Variants in CDH13 observed in about 807,000 individuals in gnomAD.
The protein encoded by CDH13 is cadherin 13, also known as cadherin-13.
Under a neutral mutation model 63.8 loss-of-function variants are expected in CDH13, and 24 were observed. The ratio of observed to expected loss-of-function variants is 0.38; its 90% CI spans 0.27 to 0.53. The LOEUF (loss-of-function observed/expected upper bound fraction) is 0.53. Ranked by LOEUF, CDH13 falls within the 20% of genes least tolerant of loss-of-function variation. CDH13 has a pLI of 0.85. For synonymous variants in CDH13, 503 were observed against 355.3 expected (o/e 1.42, Z -4.67); for missense variants, 1,049 against 903.1 (o/e 1.16, Z -2.07).
At chr16:83,146,175 C>G (rs561980645) in intron 4 of CDH13, among the ~76,000 whole-genome samples, 2 of 121,522 alleles carry the variant, frequency 1.6e-5, no homozygotes, top group South Asian at 5.1e-4. Flanking sequence ...GCCTGGGCGA[C>G]AGAGCAAGAC....
At chr16:83,017,520 A>G (rs1914923662) in intron 2 of CDH13, among the ~76,000 whole-genome samples, 1 of 152,244 alleles carries the variant, frequency 6.6e-6, no homozygotes, top group South Asian at 2.1e-4. Flanking sequence ...TGTGACCTTA[A>G]GAAATGTTCT....
intron 1 of CDH13, among the ~76,000 whole-genome samples, chr16:82,702,354 G>A (rs573430513): frequency 1.3e-5 from 2 of 152,282 alleles, no homozygotes; most frequent in African/African-American, 4.8e-5. Context: ...CCTAATCATA[G>A]GATAGGTTTC....
chr16:82,987,656 C>A (rs1038436442), intron 2 of CDH13, among the ~76,000 whole-genome samples: 1 of 152,164 alleles, frequency 6.6e-6, no homozygotes, highest in Non-Finnish European at 1.5e-5. Context: ...GGATTACAGG[C>A]ATGAGCCACT....
chr16:83,239,293 A>G (rs747805363), intron 5 of CDH13, among the ~76,000 whole-genome samples: 3 of 152,206 alleles, frequency 2.0e-5, no homozygotes, highest in Non-Finnish European at 4.4e-5. Context: ...GGAGGAGGAA[A>G]TGAAGTTAGT....
intron 1 of CDH13, among the ~76,000 whole-genome samples, chr16:82,834,018 C>G (rs12921053): frequency 6.6e-6 from 1 of 152,150 alleles, no homozygotes; most frequent in African/African-American, 2.4e-5. Flanking sequence ...ATGACTATCT[C>G]ATTTTTAATA....
At chr16:83,273,435 T>C (rs574446151) in intron 5 of CDH13, among the ~76,000 whole-genome samples, 1 of 152,252 alleles carries the variant, frequency 6.6e-6, no homozygotes, top group Admixed American at 6.5e-5. Context: ...CTCCCACTTA[T>C]AAGTGAGAAC....
chr16:83,650,219 G>GA (rs58267042), intron 8 of CDH13, among the ~76,000 whole-genome samples: 18,334 of 151,452 alleles, frequency 0.12, 1,258 homozygotes, highest in East Asian at 0.24. Context: ...CAGAAAGCAG[G>GA]AAAAAAAATA....
chr16:83,142,381 C>T (rs1277987781), intron 4 of CDH13, among the ~76,000 whole-genome samples: 2 of 151,928 alleles, frequency 1.3e-5, no homozygotes, highest in African/African-American at 2.4e-5. Flanking sequence ...AGGCTGGTCT[C>T]GAATTTCTGT....
chr16:83,446,354 A>C (rs929694379), intron 6 of CDH13, among the ~76,000 whole-genome samples: 1 of 151,956 alleles, frequency 6.6e-6, no homozygotes, highest in Non-Finnish European at 1.5e-5. Context: ...AAGTACCTTC[A>C]CTAGATTTAG....
At chr16:83,073,175 G>A (rs898331924) in intron 3 of CDH13, among the ~76,000 whole-genome samples, 1 of 152,134 alleles carries the variant, frequency 6.6e-6, no homozygotes, top group Non-Finnish European at 1.5e-5. Context: ...GGCTTGCGTG[G>A]CTAGTGATTG....
chr16:83,274,107 C>T (rs1597639584), intron 5 of CDH13, among the ~76,000 whole-genome samples: 1 of 152,318 alleles, frequency 6.6e-6, no homozygotes, highest in Admixed American at 6.5e-5. Context: ...TTCCCCCAGG[C>T]CAGGCCGTCT....
intron 3 of CDH13, among the ~76,000 whole-genome samples, chr16:83,089,469 C>T (rs2033786772): frequency 6.6e-6 from 1 of 152,224 alleles, no homozygotes; most frequent in Admixed American, 6.5e-5. Flanking sequence ...CATGCACCTG[C>T]CTTGCAGGCG....
intron 4 of CDH13, among the ~76,000 whole-genome samples, chr16:83,180,356 C>T (rs1392586891): frequency 1.3e-5 from 2 of 151,788 alleles, no homozygotes; most frequent in Non-Finnish European, 2.9e-5. Context: ...ACATCCTTTC[C>T]TTTATAAGGT....
intron 2 of CDH13, among the ~76,000 whole-genome samples, chr16:82,867,067 C>G (rs1470639005): frequency 6.6e-6 from 1 of 152,122 alleles, no homozygotes; most frequent in East Asian, 1.9e-4. Flanking sequence ...ACTGTGTGCT[C>G]CCTAGTGTGT....
rs151253716 is a variant in CDH13, at chr16:83,347,100, C to G, written c.781+2094C>G. Among the ~76,000 whole-genome samples, 152 of 152,214 alleles carry G rather than the reference C, an allele frequency of 1.0e-3. 1 individual carries two copies. Among genetic ancestry groups the G allele is most frequent in the African/African-American group, 3.2e-3 (133 of 41,528 alleles). On this transcript the variant is annotated intron_variant, in intron 6 of 13. Coordinates refer to ENST00000567109, the MANE Select transcript of CDH13 (RefSeq NM_001257.5). ...AAAAGCCACTTAGATTACTTAGCAC[C>G]CTGTAAGAGAGTTGCAGGCAAGATG...
intron 5 of CDH13, among the ~76,000 whole-genome samples, chr16:83,275,071 G>A (rs2088944061): frequency 6.6e-6 from 1 of 152,068 alleles, no homozygotes; most frequent in Non-Finnish European, 1.5e-5. Flanking sequence ...ATACATGAGG[G>A]CAGGGATCGT....
intron 2 of CDH13, among the ~76,000 whole-genome samples, chr16:83,030,006 A>G (rs1299358406): frequency 1.3e-5 from 2 of 152,188 alleles, no homozygotes; most frequent in African/African-American, 4.8e-5. Context: ...ATGAGTTGTG[A>G]TACCCATAAT....
rs1318109466 is a variant in CDH13 at position 82,644,189 on chromosome 16, C to A, written c.45+17052C>A. Among the ~76,000 whole-genome samples the A allele has an allele frequency of 6.6e-6, 1 of 152,092 alleles. No individual in the cohort carries two copies. The highest frequency in any genetic ancestry group is 2.4e-5 in the African/African-American group (1 of 41,406). Reference sequence around the variant, plus strand: ...CCCAAATTAACATGAATGTTTGGCACCCTTTGGCTGGTGCGGCTGAAGAAT... The same window carrying A: ...CCCAAATTAACATGAATGTTTGGCAACCTTTGGCTGGTGCGGCTGAAGAAT... On this transcript the variant is annotated intron_variant, in intron 1 of 13. Coordinates refer to ENST00000567109, the MANE Select transcript of CDH13 (RefSeq NM_001257.5). This position sits in a 1 kb window ranked among gnomAD's most constrained non-coding sequence, Gnocchi z 5.7.
At chr16:82,672,768 T>TACACACACACACACACACAC (rs58819198) in intron 1 of CDH13, among the ~76,000 whole-genome samples, 2 of 144,674 alleles carry the variant, frequency 1.4e-5, no homozygotes, top group Non-Finnish European at 3.0e-5. Flanking sequence ...TATATATGTG[T>TACACACACACACACACACAC]ACACACACAC....
Sources: allele counts gnomAD v4.1 joint callset (sites outside exome capture counted in the v4.1 genomes callset), GRCh38; gene constraint gnomAD v4.1.1; non-coding constraint Gnocchi (gnomAD v3.1); transcripts MANE v1.5; gene names NCBI Gene and HGNC (gene_info 2026-07-23, HGNC 2026-07-21).